Variants in IL1RAP observed in about 807,000 individuals in gnomAD.
The protein encoded by IL1RAP is interleukin 1 receptor accessory protein.
In IL1RAP, 35 loss-of-function variants were observed where a neutral mutation model predicts 60.7. The observed-to-expected ratio is 0.58, with a 90% CI of 0.44 to 0.76. The LOEUF (loss-of-function observed/expected upper bound fraction) is 0.76, where lower values mean the gene tolerates loss of function less well. Among genes scored for constraint, IL1RAP ranks in the 30% least tolerant of loss-of-function variants. The pLI is 0.00. For synonymous variants in IL1RAP, 268 were observed against 250.9 expected, an observed-to-expected ratio of 1.07 and a Z score of -0.64; for missense variants, 572 against 693.9, an observed-to-expected ratio of 0.82 and a Z score of 1.97.
At chr3:190,634,719 G>GT (rs1733070414) in intron 9 of IL1RAP, among the ~76,000 whole-genome samples, 3 of 128,442 alleles carry the variant, frequency 2.3e-5, no homozygotes, top group African/African-American at 6.8e-5. Context: ...TTTTTTTTTT[G>GT]TTGTTGTTTT....
intron 1 of IL1RAP, among the ~76,000 whole-genome samples, chr3:190,515,811 A>G (rs933916833): frequency 1.5e-4 from 23 of 151,598 alleles, no homozygotes; most frequent in African/African-American, 5.6e-4. Flanking sequence ...TACATTTTTC[A>G]TCTAGTATCA....
chr3:190,654,190 T>TCACACACACACA (rs57074064), downstream of IL1RAP, among the ~76,000 whole-genome samples: 6,995 of 140,378 alleles, frequency 0.05, 305 homozygotes, highest in African/African-American at 0.1. Context: ...AAACATCATA[T>TCACACACACACA]CACACACACA....
At chr3:190,622,399 A>C (rs1430950895) in intron 6 of IL1RAP, among the ~76,000 whole-genome samples, 2 of 152,134 alleles carry the variant, frequency 1.3e-5, no homozygotes, top group Non-Finnish European at 2.9e-5. Context: ...AGTTTAATTC[A>C]ATTTGACACC....
chr3:190,597,539 A>G (rs1729487058), intron 3 of IL1RAP, among the ~76,000 whole-genome samples: 1 of 152,126 alleles, frequency 6.6e-6, no homozygotes, highest in Non-Finnish European at 1.5e-5. Flanking sequence ...CCTCCATTTC[A>G]GGGAAAGAGA....
intron 9 of IL1RAP, among the ~76,000 whole-genome samples, chr3:190,630,608 C>T (rs9865681): frequency 0.056 from 8,517 of 152,210 alleles, 373 homozygotes; most frequent in African/African-American, 0.12. Context: ...GTATATGCTG[C>T]GTATGAAGTA....
At chr3:190,653,912 C>T (rs78436263), downstream of IL1RAP, among the ~76,000 whole-genome samples, 2,700 of 152,154 alleles carry the variant, frequency 0.018, 55 homozygotes, top group East Asian at 0.053. Flanking sequence ...GAAGATCCTT[C>T]GGTATAGCCC....
intron 3 of IL1RAP, among the ~76,000 whole-genome samples, chr3:190,577,506 A>G (rs1332872409): frequency 6.6e-6 from 1 of 152,188 alleles, no homozygotes; most frequent in Non-Finnish European, 1.5e-5. Flanking sequence ...CACTCTGGTC[A>G]TGCATGTGTA....
intron 9 of IL1RAP, among the ~76,000 whole-genome samples, chr3:190,639,931 A>G (rs1409839507): frequency 6.6e-6 from 1 of 151,848 alleles, no homozygotes; most frequent in Non-Finnish European, 1.5e-5. Flanking sequence ...CCTGTACCCA[A>G]CTGTCTCACA....
At chr3:190,569,626 C>T (rs888120210) in intron 3 of IL1RAP, among the ~76,000 whole-genome samples, 2 of 151,490 alleles carry the variant, frequency 1.3e-5, no homozygotes, top group African/African-American at 4.9e-5. Context: ...TTGAAGCACA[C>T]TTATATTTTA....
chr3:190,561,374 G>A (rs1482273542), intron 2 of IL1RAP, among the ~76,000 whole-genome samples: 1 of 152,152 alleles, frequency 6.6e-6, no homozygotes, highest in East Asian at 1.9e-4. Flanking sequence ...TTCCTTTTCA[G>A]TCTGCTTTAT....
chr3:190,541,383 G>A (rs964678266), intron 1 of IL1RAP, among the ~76,000 whole-genome samples: 1 of 152,126 alleles, frequency 6.6e-6, no homozygotes, highest in Non-Finnish European at 1.5e-5. Flanking sequence ...GAAAGAAGGT[G>A]AAGAATCTTT....
At chr3:190,518,695 G>A (rs113466136) in intron 1 of IL1RAP, 3,571 of 152,558 alleles carry the variant, frequency 0.023, 147 homozygotes, top group African/African-American at 0.082. Context: ...CACATCTTAC[G>A]TGGATGGCAG....
chr3:190,616,990 GA>G (rs1409841197), intron 5 of IL1RAP, among the ~76,000 whole-genome samples: 1 of 152,114 alleles, frequency 6.6e-6, no homozygotes, highest in Non-Finnish European at 1.5e-5. Flanking sequence ...AACAGTCAGG[GA>G]AAAAAATTAA....
intron 8 of IL1RAP, among the ~76,000 whole-genome samples, chr3:190,628,347 A>G (rs941788033): frequency 3.3e-5 from 5 of 152,322 alleles, no homozygotes; most frequent in South Asian, 2.1e-4. Flanking sequence ...TTATAATAAT[A>G]ATGAATAAAT....
chr3:190,535,103 A>G (rs1457718045), intron 1 of IL1RAP, among the ~76,000 whole-genome samples: 1 of 152,132 alleles, frequency 6.6e-6, no homozygotes, highest in African/African-American at 2.4e-5. Flanking sequence ...TCTATTTGCT[A>G]AGAGCTGACT....
intron 5 of IL1RAP, among the ~76,000 whole-genome samples, chr3:190,616,435 G>A (rs1290137003): frequency 6.6e-6 from 1 of 150,640 alleles, no homozygotes; most frequent in African/African-American, 2.4e-5. Context: ...TTTTTTTTCT[G>A]GCAATTGTAT....
downstream of IL1RAP, among the ~76,000 whole-genome samples, chr3:190,654,405 C>T (rs1002720982): frequency 6.6e-6 from 1 of 152,162 alleles, no homozygotes; most frequent in African/African-American, 2.4e-5. Context: ...TGCTAAAACA[C>T]ATGCACATGT....
intron 1 of IL1RAP, among the ~76,000 whole-genome samples, chr3:190,544,938 A>G (rs1724242144): frequency 1.3e-5 from 2 of 152,248 alleles, no homozygotes; most frequent in Non-Finnish European, 2.9e-5. Flanking sequence ...AAGCTGAACA[A>G]TGTGGTTCAA....
intron 9 of IL1RAP, among the ~76,000 whole-genome samples, chr3:190,632,142 G>C (rs1732843304): frequency 6.6e-6 from 1 of 152,180 alleles, no homozygotes; most frequent in Non-Finnish European, 1.5e-5. Context: ...ACTAAGGCAA[G>C]GTATCTGTTT....
Sources: gnomAD v4.1 joint callset for allele counts (sites outside exome capture counted in the v4.1 genomes callset) on GRCh38, gnomAD v4.1.1 for gene constraint, MANE v1.5 for transcripts, NCBI Gene and HGNC (gene_info 2026-07-23, HGNC 2026-07-21) for gene names.